FRMD6: variants seen among roughly 807,000 people sequenced by gnomAD.
FRMD6 encodes the protein FERM domain containing 6.
FRMD6 carries 37 observed loss-of-function variants against 73.2 expected under a neutral mutation model. The observed-to-expected ratio is 0.51, with a 90% CI of 0.39 to 0.66. FRMD6 has a LOEUF of 0.66. Ranked by LOEUF, FRMD6 falls within the 30% of genes least tolerant of loss-of-function variation. The pLI, the probability that FRMD6 is intolerant of heterozygous loss-of-function variation, is 0.00. For missense variants in FRMD6, 714 were observed against 780.5 expected, an observed-to-expected ratio of 0.91 and a Z score of 1.02; for synonymous variants, 273 against 282.2, an observed-to-expected ratio of 0.97 and a Z score of 0.33.
At chr14:51,616,979 A>G (rs1890741189) in intron 2 of FRMD6, among the ~76,000 whole-genome samples, 2 of 152,318 alleles carry the variant, frequency 1.3e-5, no homozygotes, top group South Asian at 4.1e-4. Context: ...AACTCACCTC[A>G]TATGCCCATG....
chr14:51,511,379 T>C (rs1204533490), intron 1 of FRMD6, among the ~76,000 whole-genome samples: 1 of 152,242 alleles, frequency 6.6e-6, no homozygotes, highest in Non-Finnish European at 1.5e-5. Flanking sequence ...GCTTTGATCA[T>C]GAAAATTATT....
intron 1 of FRMD6, among the ~76,000 whole-genome samples, chr14:51,497,056 C>A (rs1441467160): frequency 2.0e-5 from 3 of 152,090 alleles, no homozygotes; most frequent in Admixed American, 2.0e-4. Context: ...TTAATATCCT[C>A]ATTCAAAAAG....
At chr14:51,723,232 A>G (rs1175167931) in intron 12 of FRMD6, among the ~76,000 whole-genome samples, 1 of 152,216 alleles carries the variant, frequency 6.6e-6, no homozygotes, top group Non-Finnish European at 1.5e-5. Context: ...TATGCACATT[A>G]TAGGTCCATG....
chr14:51,483,178 T>C, the FRMD6 span, among the ~76,000 whole-genome samples: 2 of 152,246 alleles, frequency 1.3e-5, no homozygotes, highest in Admixed American at 6.5e-5. Flanking sequence ...AGATTTTTGA[T>C]TGAAGAATTC....
intron 2 of FRMD6, among the ~76,000 whole-genome samples, chr14:51,697,722 T>C (rs1314902099): frequency 6.6e-6 from 1 of 152,078 alleles, no homozygotes; most frequent in Non-Finnish European, 1.5e-5. Context: ...ATCAAAACAT[T>C]ATGTTGTATA....
chr14:51,510,386 C>A (rs1367947784), intron 1 of FRMD6, among the ~76,000 whole-genome samples: 1 of 152,130 alleles, frequency 6.6e-6, no homozygotes, highest in Non-Finnish European at 1.5e-5. Context: ...TCATGCCTCC[C>A]TTGTGTGGTT....
chr14:51,659,569 ATTCTC>A (rs1893067475), intron 1 of FRMD6, among the ~76,000 whole-genome samples: 1 of 152,138 alleles, frequency 6.6e-6, no homozygotes, highest in South Asian at 2.1e-4. Flanking sequence ...ATTTTTCTTA[ATTCTC>A]TTCTAATTTC....
the FRMD6 span, among the ~76,000 whole-genome samples, chr14:51,444,321 G>T: frequency 9.2e-4 from 140 of 152,344 alleles, 1 homozygote; most frequent in African/African-American, 3.2e-3. Flanking sequence ...ATCAGATGCT[G>T]AGATTAGCTC....
At chr14:51,699,003 T>C (rs1001592822) in intron 3 of FRMD6, among the ~76,000 whole-genome samples, 1 of 152,086 alleles carries the variant, frequency 6.6e-6, no homozygotes, top group African/African-American at 2.4e-5. Flanking sequence ...TTGAATATGG[T>C]TTATTTTCTA....
the FRMD6 span, among the ~76,000 whole-genome samples, chr14:51,455,457 A>T: frequency 6.6e-6 from 1 of 152,146 alleles, no homozygotes; most frequent in Non-Finnish European, 1.5e-5. Flanking sequence ...TTGACCTTGG[A>T]TACTGTATTT....
the FRMD6 span, among the ~76,000 whole-genome samples, chr14:51,417,286 G>A: frequency 6.6e-6 from 1 of 152,140 alleles, no homozygotes; most frequent in African/African-American, 2.4e-5. Context: ...TGCAGTGGCT[G>A]GTACCGGTTG....
At chr14:51,436,139 G>A in the FRMD6 span, 1 of 253,494 alleles carries the variant, frequency 3.9e-6, no homozygotes, top group Non-Finnish European at 7.6e-6. Flanking sequence ...CAGGCTTACT[G>A]AAGAAGGGAG....
chr14:51,725,728 G>A (rs778029765), intron 12 of FRMD6, 51 bp from the exon 13 acceptor site: 14 of 1,262,732 alleles, frequency 1.1e-5, no homozygotes, highest in Non-Finnish European at 1.5e-5. Flanking sequence ...ATGGCAAGAG[G>A]TGTGAATAAT....
At chr14:51,596,720 TGA>T (rs753044184) in intron 2 of FRMD6, among the ~76,000 whole-genome samples, 5 of 152,156 alleles carry the variant, frequency 3.3e-5, no homozygotes, top group Non-Finnish European at 7.4e-5. Flanking sequence ...CATTGGTGGG[TGA>T]GAGTTACTCT....
chr14:51,524,273 G>A (rs994852272), intron 1 of FRMD6, among the ~76,000 whole-genome samples: 32 of 151,988 alleles, frequency 2.1e-4, no homozygotes, highest in African/African-American at 7.5e-4. Flanking sequence ...AGGTCAAAAG[G>A]TAACTTATAA....
chr14:51,590,062 C>CAAAAAAAAAAAAAAAAAAAAAA (rs529602796), intron 2 of FRMD6, among the ~76,000 whole-genome samples: 1 of 82,588 alleles, frequency 1.2e-5, no homozygotes, highest in African/African-American at 3.5e-5. Flanking sequence ...GAGCGAAACT[C>CAAAAAAAAAAAAAAAAAAAAAA]AAAAAAAAAA....
At chr14:51,563,937 T>C (rs889312026) in intron 1 of FRMD6, among the ~76,000 whole-genome samples, 2 of 152,362 alleles carry the variant, frequency 1.3e-5, no homozygotes, top group East Asian at 1.9e-4. Context: ...TCGCAAGTCA[T>C]AAACTTTCAA....
At chr14:51,562,968 TG>T (rs1276557773) in intron 1 of FRMD6, among the ~76,000 whole-genome samples, 2 of 152,188 alleles carry the variant, frequency 1.3e-5, no homozygotes, top group African/African-American at 4.8e-5. Context: ...ACTCATGACC[TG>T]GGGGTGATTT....
At chr14:51,423,208 A>G in the FRMD6 span, among the ~76,000 whole-genome samples, 27,174 of 152,160 alleles carry the variant, frequency 0.18, 2,722 homozygotes, top group Middle Eastern at 0.26. Context: ...TATAAGATCA[A>G]AATAAACCAG....
Sources: allele counts gnomAD v4.1 joint callset (sites outside exome capture counted in the v4.1 genomes callset), GRCh38; gene constraint gnomAD v4.1.1; transcripts MANE v1.5; gene names NCBI Gene and HGNC (gene_info 2026-07-23, HGNC 2026-07-21).